GPC4: variants seen among roughly 807,000 people sequenced by gnomAD.
The protein encoded by GPC4 is glypican 4, also known as glypican-4.
A neutral mutation model predicts 35.0 loss-of-function variants in GPC4; 10 were observed. The observed-to-expected ratio is 0.29, with a 90% CI of 0.18 to 0.48. The LOEUF is 0.48. Ranked by LOEUF, GPC4 falls within the 20% of genes least tolerant of loss-of-function variation. The probability of loss-of-function intolerance (pLI) is 0.99; values close to 1 mark genes in which losing one functional copy is unlikely to be tolerated. For synonymous variants in GPC4, 167 were observed against 170.2 expected, an observed-to-expected ratio of 0.98 and a Z score of 0.15; for missense variants, 322 against 451.3, an observed-to-expected ratio of 0.71 and a Z score of 2.60.
chrX:133,408,294 T>C (rs1388568065), intron 1 of GPC4, among the ~76,000 whole-genome samples: 1 of 112,480 alleles, frequency 8.9e-6, no homozygotes, highest in Non-Finnish European at 1.9e-5. Context: ...GACAATAAAC[T>C]TGAGTTTTTT....
chrX:133,411,339 A>C lies in GPC4; in HGVS notation c.160+3467T>G, dbSNP rs764098905. ...TTCTAACCCACTGCCTCACTCTTAA[A>C]AACAATTTCAACATAGATGAGTAAT... On this transcript the variant is annotated intron_variant, in intron 1 of 8. Transcript: ENST00000370828. Among the ~76,000 whole-genome samples the C allele has an allele frequency of 4.4e-5, 5 of 112,486 alleles. No homozygotes were observed. The South Asian group carries it at 1.9e-3, about 42-fold the overall frequency.
chrX:133,351,607 G>C (rs1037620539), intron 1 of GPC4, among the ~76,000 whole-genome samples: 2 of 111,117 alleles, frequency 1.8e-5, no homozygotes, highest in African/African-American at 6.5e-5. Context: ...CCCCAGGTCT[G>C]ACTGGGACTT....
chrX:133,326,556 A>C (rs780437126), intron 2 of GPC4, among the ~76,000 whole-genome samples: 1 of 111,703 alleles, frequency 9.0e-6, no homozygotes, highest in East Asian at 2.8e-4. Context: ...GCTATCTGTG[A>C]TTCTGATATA....
chrX:133,388,310 T>A (rs966251990), intron 1 of GPC4, among the ~76,000 whole-genome samples: 1 of 112,313 alleles, frequency 8.9e-6, no homozygotes, highest in East Asian at 2.8e-4. Flanking sequence ...TGTTGTTATA[T>A]CAAAGTGCTA....
chrX:133,363,791 C>T (rs1256680647), intron 1 of GPC4, among the ~76,000 whole-genome samples: 1 of 111,414 alleles, frequency 9.0e-6, no homozygotes, highest in Non-Finnish European at 1.9e-5. Context: ...ATTTCCATTA[C>T]ACCAAAAAGA....
In GPC4 at chrX:133,368,961, T is replaced by C. The variant is rs2068601232; in HGVS notation, c.161-29620A>G. Among the ~76,000 whole-genome samples the C allele has an allele frequency of 4.5e-5, 5 of 111,797 alleles. No individual in the cohort carries two copies. The South Asian group carries it at 1.9e-3, about 42-fold the overall frequency. On this transcript the variant is annotated intron_variant, in intron 1 of 8. Coordinates refer to ENST00000370828, the MANE Select transcript of GPC4 (RefSeq NM_001448.3). ...ACGCCCGACCGAGTAACATTATTTTTATACTTTGACATGGTTTCTTAATTT... is the reference window on the plus strand; with the variant it reads ...ACGCCCGACCGAGTAACATTATTTTCATACTTTGACATGGTTTCTTAATTT...
intron 1 of GPC4, among the ~76,000 whole-genome samples, chrX:133,389,295 A>G (rs2124172639): frequency 9.0e-6 from 1 of 111,498 alleles, no homozygotes; most frequent in East Asian, 2.8e-4. Flanking sequence ...TGCCTTGAAG[A>G]CTGGAACTGC....
At chrX:133,339,702 G>GT in intron 1 of GPC4, among the ~76,000 whole-genome samples, 2 of 112,396 alleles carry the variant, frequency 1.8e-5, no homozygotes, top group East Asian at 5.6e-4. Context: ...ACGAGACACA[G>GT]TTTTTCCAGA....
At chrX:133,328,877 A>T (rs58132633) in intron 2 of GPC4, among the ~76,000 whole-genome samples, 1,542 of 112,002 alleles carry the variant, frequency 0.014, 24 homozygotes, top group African/African-American at 0.046. Flanking sequence ...CTGCTCAGGG[A>T]ATCTGTTTTA....
chrX:133,398,225 A>T (rs1174548588), intron 1 of GPC4, among the ~76,000 whole-genome samples: 1 of 111,501 alleles, frequency 9.0e-6, no homozygotes. Context: ...CAATGCAGTC[A>T]GTTCACTGCA....
intron 1 of GPC4, among the ~76,000 whole-genome samples, chrX:133,383,539 A>G (rs138215993): frequency 3.2e-3 from 360 of 111,408 alleles, no homozygotes; most frequent in African/African-American, 0.011. Flanking sequence ...CAGAATATAC[A>G]ACATCAAGAG....
intron 1 of GPC4, among the ~76,000 whole-genome samples, chrX:133,374,425 G>A (rs1436333580): frequency 2.7e-5 from 3 of 111,819 alleles, no homozygotes; most frequent in African/African-American, 6.5e-5. Context: ...AATGTGCAAA[G>A]TCACAAAGAG....
intron 1 of GPC4, among the ~76,000 whole-genome samples, chrX:133,361,273 T>A (rs1432838268): frequency 8.9e-6 from 1 of 112,085 alleles, no homozygotes; most frequent in Non-Finnish European, 1.9e-5. Flanking sequence ...CTGAGTGTGA[T>A]GTCCTTGCTG....
chrX:133,303,398 TCTGCC>T (rs1256661086), intron 7 of GPC4, 57 bp from the exon 8 acceptor site: 116 of 1,025,421 alleles, frequency 1.1e-4, no homozygotes, highest in Non-Finnish European at 1.4e-4. Context: ...ATTTTATCTG[TCTGCC>T]TCCCAAAGTG....
intron 2 of GPC4, among the ~76,000 whole-genome samples, chrX:133,327,320 G>A (rs2068398554): frequency 9.0e-6 from 1 of 111,434 alleles, no homozygotes; most frequent in Admixed American, 9.6e-5. Context: ...GCGAGGTGCG[G>A]TGTGACATTT....
At chrX:133,338,774 G>A (rs1172157005) in intron 2 of GPC4, among the ~76,000 whole-genome samples, 1 of 111,125 alleles carries the variant, frequency 9.0e-6, no homozygotes, top group African/African-American at 3.3e-5. Flanking sequence ...AGTTGTCTTT[G>A]GGGATCCATT....
At chrX:133,392,892 G>T (rs1156865162) in intron 1 of GPC4, among the ~76,000 whole-genome samples, 1 of 110,892 alleles carries the variant, frequency 9.0e-6, no homozygotes, top group African/African-American at 3.3e-5. Flanking sequence ...TCCAGGACCC[G>T]TTGAAAGATA....
intron 1 of GPC4, among the ~76,000 whole-genome samples, chrX:133,364,405 T>C (rs1331423256): frequency 8.9e-6 from 1 of 111,819 alleles, no homozygotes; most frequent in Non-Finnish European, 1.9e-5. Flanking sequence ...TGGCCTCAAA[T>C]TTAAGCTTAA....
rs1451574002 is a variant in GPC4, at chrX:133,302,203, A to G, written c.*664T>C. On this transcript the variant is annotated 3_prime_UTR_variant, in exon 9 of 9. Coordinates refer to ENST00000370828, the MANE Select transcript of GPC4 (RefSeq NM_001448.3). ...CTGCAGTCTCTTCCAACTATCACCA[A>G]TAAATGAAGTACACATAACCTCCTT... 8.9e-6 allele frequency: 1 copy of G among 112,594 alleles called. No homozygotes were observed. Among genetic ancestry groups the G allele is most frequent in the Non-Finnish European group, 1.9e-5 (1 of 53,343 alleles). The allele number at this position is 112,594 out of a possible 1,213,427, so 9.3% of individuals were successfully genotyped here. A position where few individuals can be genotyped will look rare whatever the true frequency, so the allele number is the denominator to read the frequency against.
Sources: gnomAD v4.1 joint callset for allele counts (sites outside exome capture counted in the v4.1 genomes callset) on GRCh38, gnomAD v4.1.1 for gene constraint, MANE v1.5 for transcripts, NCBI Gene and HGNC (gene_info 2026-07-23, HGNC 2026-07-21) for gene names.